Variants in VRK2 observed in about 807,000 individuals in gnomAD.
VRK2 encodes the protein serine/threonine-protein kinase VRK2.
Under a neutral mutation model 57.6 loss-of-function variants are expected in VRK2, and 60 were observed. The ratio of observed to expected loss-of-function variants is 1.04; its 90% CI spans 0.85 to 1.29. The LOEUF (loss-of-function observed/expected upper bound fraction) is 1.29, where lower values mean the gene tolerates loss of function less well. Among genes scored for constraint, VRK2 ranks in the 50% most tolerant of loss-of-function variants. VRK2 has a pLI of 0.00. For synonymous variants in VRK2, 231 were observed against 199.2 expected (o/e 1.16, Z -1.35); for missense variants, 705 against 588.1 (o/e 1.20, Z -2.06).
At chr2:58,024,646 A>ATT (rs1673868709) in intron 1 of VRK2, among the ~76,000 whole-genome samples, 1 of 152,180 alleles carries the variant, frequency 6.6e-6, no homozygotes, top group East Asian at 1.9e-4. Flanking sequence ...TAGCCAGCCT[A>ATT]TCCACAGATC....
chr2:58,087,107 A>G (rs1184850260), intron 5 of VRK2, among the ~76,000 whole-genome samples: 2 of 152,196 alleles, frequency 1.3e-5, no homozygotes, highest in Admixed American at 1.3e-4. Flanking sequence ...GTTTGAAAAA[A>G]GAAAAAAAGT....
chr2:58,050,148 T>TA (rs1441263678), intron 2 of VRK2, among the ~76,000 whole-genome samples: 1 of 152,182 alleles, frequency 6.6e-6, no homozygotes, highest in Non-Finnish European at 1.5e-5. Context: ...GGAGCCACAT[T>TA]AAAATACGTT....
At position 58,004,479 on chromosome 2, in the gene VRK2, T is replaced by G. The variant is rs1673184561; in HGVS notation, c.-438-21186T>G. ...CTGTTATTGCAATGATTTTAGCCTG[T>G]GAAACAAATCTAGGCATTATTCTGA... is the stretch of plus-strand genomic sequence containing the variant. On this transcript the variant is annotated intron_variant, in intron 1 of 15. Coordinates refer to the VRK2 transcript ENST00000417641. Among the ~76,000 whole-genome samples the G allele has an allele frequency of 2.0e-5, 3 of 152,154 alleles. No individual in the cohort carries two copies. The South Asian group carries it at 6.2e-4, about 31-fold the overall frequency.
chr2:58,013,139 C>G (rs894690612), intron 1 of VRK2, among the ~76,000 whole-genome samples: 6 of 152,092 alleles, frequency 3.9e-5, no homozygotes, highest in African/African-American at 1.4e-4. Flanking sequence ...AAACAAAAAT[C>G]TATTGAAGTT....
intron 3 of VRK2, among the ~76,000 whole-genome samples, chr2:58,040,607 T>C (rs1229371837): frequency 6.6e-6 from 1 of 152,198 alleles, no homozygotes. Flanking sequence ...TTGGTTTAAG[T>C]GTCTTAAGGG....
At chr2:57,946,904 G>C (rs1431093082) in intron 1 of VRK2, among the ~76,000 whole-genome samples, 1 of 152,048 alleles carries the variant, frequency 6.6e-6, no homozygotes, top group South Asian at 2.1e-4. Flanking sequence ...TGATCTATGA[G>C]CCAGAGGAAA....
In VRK2 at chr2:57,980,380, T is replaced by C. The variant is rs1434705817; in HGVS notation, c.-438-45285T>C. ...TCTTGGCATAAATTTTTACTTTTAT[T>C]GCATTGTGGTCTGAGAGTGTGATTA... On this transcript the variant is annotated intron_variant, in intron 1 of 15. Transcript: ENST00000417641. Among the ~76,000 whole-genome samples, 4 of 152,210 alleles carry C rather than the reference T, an allele frequency of 2.6e-5. No homozygotes were observed. The South Asian group carries it at 8.3e-4, about 32-fold the overall frequency.
chr2:57,989,476 G>A (rs1356806976), intron 1 of VRK2, among the ~76,000 whole-genome samples: 1 of 152,088 alleles, frequency 6.6e-6, no homozygotes, highest in South Asian at 2.1e-4. Context: ...CCTTAATTTT[G>A]TCTTTAATTG....
chr2:58,054,338 T>G (rs1676194493), intron 2 of VRK2, among the ~76,000 whole-genome samples: 1 of 152,076 alleles, frequency 6.6e-6, no homozygotes, highest in African/African-American at 2.4e-5. Context: ...TTATATATTA[T>G]GTCTCTTCCA....
At chr2:57,926,692 A>C (rs1325359149) in intron 1 of VRK2, among the ~76,000 whole-genome samples, 1 of 151,426 alleles carries the variant, frequency 6.6e-6, no homozygotes, top group Non-Finnish European at 1.5e-5. Context: ...TTTCCACTGC[A>C]TGGAATATCT....
chr2:58,039,865 T>C (rs1167013515), intron 3 of VRK2, among the ~76,000 whole-genome samples: 3 of 151,928 alleles, frequency 2.0e-5, no homozygotes, highest in Non-Finnish European at 4.4e-5. Context: ...TGATATTTTC[T>C]TAAATATTTA....
chr2:58,044,771 C>T (rs1674610721), upstream of VRK2, among the ~76,000 whole-genome samples: 1 of 152,138 alleles, frequency 6.6e-6, no homozygotes, highest in East Asian at 1.9e-4. Context: ...AACAGCAGGC[C>T]ACTGTGGTTG....
At chr2:58,033,798 TC>T (rs1674188969) in intron 3 of VRK2, 1 of 152,058 alleles carries the variant, frequency 6.6e-6, no homozygotes, top group Admixed American at 6.6e-5. Flanking sequence ...ATAGGATCTT[TC>T]CTGAAATCTG....
At chr2:58,107,946 G>T (rs558965594) in intron 7 of VRK2, among the ~76,000 whole-genome samples, 34 of 152,222 alleles carry the variant, frequency 2.2e-4, no homozygotes, top group African/African-American at 7.9e-4. Flanking sequence ...TCTCGGTTGC[G>T]TGAGAAGCAG....
At chr2:58,157,734 A>G (rs563045108) in intron 12 of VRK2, among the ~76,000 whole-genome samples, 4 of 152,334 alleles carry the variant, frequency 2.6e-5, no homozygotes, top group African/African-American at 9.6e-5. Flanking sequence ...AATGCCGTAG[A>G]GCAGGGGTCA....
At chr2:58,156,890 C>G (rs1281376885) in intron 12 of VRK2, among the ~76,000 whole-genome samples, 1 of 152,134 alleles carries the variant, frequency 6.6e-6, no homozygotes, top group African/African-American at 2.4e-5. Flanking sequence ...TTTCCTGCAT[C>G]TCATTTGTAG....
At chr2:57,991,703 A>G (rs1295760262) in intron 1 of VRK2, among the ~76,000 whole-genome samples, 1 of 151,454 alleles carries the variant, frequency 6.6e-6, no homozygotes, top group Non-Finnish European at 1.5e-5. Flanking sequence ...AATCCCCAGC[A>G]CTTTGGGAGG....
chr2:58,010,331 ATTAAT>A (rs1028398076), intron 1 of VRK2, among the ~76,000 whole-genome samples: 8 of 152,136 alleles, frequency 5.3e-5, no homozygotes, highest in African/African-American at 1.9e-4. Flanking sequence ...ATGAGCTCTT[ATTAAT>A]TTATGTTTAG....
chr2:57,928,781 A>C (rs1394035124), intron 1 of VRK2, among the ~76,000 whole-genome samples: 1 of 152,238 alleles, frequency 6.6e-6, no homozygotes, highest in Admixed American at 6.5e-5. Context: ...TCCAAAGCCC[A>C]GTAATGCTGT....
Sources: allele counts gnomAD v4.1 joint callset (sites outside exome capture counted in the v4.1 genomes callset), GRCh38; gene constraint gnomAD v4.1.1; transcripts MANE v1.5; gene names NCBI Gene and HGNC (gene_info 2026-07-23, HGNC 2026-07-21).